CD226: variants seen among roughly 807,000 people sequenced by gnomAD.
CD226 encodes CD226 antigen.
In CD226, 24 loss-of-function variants were observed where a neutral mutation model predicts 34.9. The observed-to-expected ratio is 0.69, with a 90% CI of 0.50 to 0.97. The LOEUF (loss-of-function observed/expected upper bound fraction) is 0.97. CD226 is among the 50% of genes least tolerant of loss of function. CD226 has a pLI of 0.00. For synonymous variants in CD226, 148 were observed against 147.4 expected (o/e 1.00, Z -0.03); for missense variants, 397 against 412.7 (o/e 0.96, Z 0.33).
intron 2 of CD226, among the ~76,000 whole-genome samples, chr18:69,918,539 C>T (rs1307035651): frequency 1.3e-5 from 2 of 152,156 alleles, no homozygotes; most frequent in Non-Finnish European, 1.5e-5. Flanking sequence ...GCTTTGGTGA[C>T]AGAGTGGGAC....
rs1982637852 is a variant in CD226, at chr18:69,857,177, A to G, written c.*7137T>C. The G allele has an allele frequency of 6.6e-6, 1 of 152,276 alleles. No individual in the cohort carries two copies. The highest frequency in any genetic ancestry group is 1.9e-4 in the East Asian group (1 of 5,206). The allele number at this position is 152,276 out of a possible 1,614,324, so 9.4% of individuals were successfully genotyped here. A position where few individuals can be genotyped will look rare whatever the true frequency, so the allele number is the denominator to read the frequency against. ...GAGCGAGACTCCGTCTCAAAAAAAG[A>G]TAGCTATTCATTAGACATTGAAAGA... On this transcript the variant is annotated 3_prime_UTR_variant, in exon 6 of 6. Coordinates refer to ENST00000582621, the MANE Select transcript of CD226 (RefSeq NM_001303618.2).
chr18:69,872,920 C>G (rs995320070), intron 4 of CD226, among the ~76,000 whole-genome samples: 2 of 152,138 alleles, frequency 1.3e-5, no homozygotes, highest in African/African-American at 4.8e-5. Context: ...GCAGAGGCAT[C>G]AGGCAGAATA....
intron 2 of CD226, among the ~76,000 whole-genome samples, chr18:69,923,838 C>A (rs2055486195): frequency 6.6e-6 from 1 of 151,776 alleles, no homozygotes; most frequent in East Asian, 1.9e-4. Context: ...CCTGTAGTCC[C>A]AGCTACTTGG....
chr18:69,871,859 T>C (rs1983542564), intron 4 of CD226, among the ~76,000 whole-genome samples: 1 of 152,108 alleles, frequency 6.6e-6, no homozygotes, highest in Non-Finnish European at 1.5e-5. Flanking sequence ...CCAAAGATAT[T>C]GAACAGGAAG....
intron 2 of CD226, among the ~76,000 whole-genome samples, chr18:69,909,293 A>G (rs549045299): frequency 3.7e-4 from 57 of 152,296 alleles, no homozygotes; most frequent in African/African-American, 1.4e-3. Context: ...AACTCAGAGC[A>G]ATATTTTCCA....
chr18:69,890,056 A>G (rs898839268), intron 3 of CD226, among the ~76,000 whole-genome samples: 1 of 152,238 alleles, frequency 6.6e-6, no homozygotes, highest in African/African-American at 2.4e-5. Flanking sequence ...TTGAAAGTTC[A>G]GTTTCTTTGA....
chr18:69,898,325 T>C lies in CD226; in HGVS notation c.383-2280A>G, dbSNP rs561796491. ...GCACAACTGTTTTGTGTTTTTCTTC[T>C]TCTTCTCTCTGGATGCCGCCCCGTC... On this transcript the variant is annotated intron_variant, in intron 2 of 5. Transcript: ENST00000582621. Among the ~76,000 whole-genome samples the C allele has an allele frequency of 2.0e-5, 3 of 152,326 alleles. No homozygotes were observed. The East Asian group carries it at 5.8e-4, about 29-fold the overall frequency.
At position 69,858,348 on chromosome 18, in the gene CD226, C is replaced by T. The variant is rs941898631; in HGVS notation, c.*5966G>A. ...ACATTTGTCAGTTGAAGTTCTTCAA[C>T]GAGCCTGGAGGGAATGTCGCAGTGT... On this transcript the variant is annotated 3_prime_UTR_variant, in exon 6 of 6. Coordinates refer to ENST00000582621, the MANE Select transcript of CD226 (RefSeq NM_001303618.2). 6.6e-6 allele frequency: 1 copy of T among 152,104 alleles called. No homozygotes were observed. The highest frequency in any genetic ancestry group is 2.4e-5 in the African/African-American group (1 of 41,406). 9.4% of individuals were successfully genotyped at this position (152,104 alleles called of 1,614,324 possible). A position where few individuals can be genotyped will look rare whatever the true frequency, so the allele number is the denominator to read the frequency against.
chr18:69,946,975 C>A lies in CD226; in HGVS notation c.141G>T (p.Gln47His). The stretch of plus-strand genomic sequence containing the variant: ...GGGTCCCGATCTTGAACCACTCCAC[C>A]TGTGTTAAGATGCCCATTGATGGAT... ...CVYPSMGILTQVEWFKIGTQQ... is the reference protein window; with the variant it reads ...CVYPSMGILTHVEWFKIGTQQ... Residue 47 changes from glutamine to histidine, a missense_variant, in exon 2 of 6, where the codon CAG (glutamine) becomes CAT (histidine). Transcript: ENST00000582621. The A allele has an allele frequency of 6.2e-7, 1 of 1,614,154 alleles. No homozygotes were observed. The highest frequency in any genetic ancestry group is 8.5e-7 in the Non-Finnish European group (1 of 1,180,014).
rs1481148359 is a variant in CD226 at position 69,946,986 on chromosome 18, T to C, written c.130A>G (p.Ile44Val). Reference sequence around the variant, plus strand: ...TTGAACCACTCCACCTGTGTTAAGATGCCCATTGATGGATACACACATTCT... The same window carrying C: ...TTGAACCACTCCACCTGTGTTAAGACGCCCATTGATGGATACACACATTCT... The part of the protein sequence containing the change: ...SLECVYPSMG[I>V]LTQVEWFKIG... The change falls in exon 2 of 6, where the codon ATC becomes GTC. Residue 44 changes from isoleucine to valine, a missense_variant. Physicochemically the swap from Ile to Val is conservative, Grantham distance 29 (BLOSUM62 3). Coordinates refer to ENST00000582621, the MANE Select transcript of CD226 (RefSeq NM_001303618.2). 9 of 1,614,206 alleles carry C rather than the reference T, an allele frequency of 5.6e-6. No homozygotes were observed. The highest frequency in any genetic ancestry group is 7.6e-6 in the Non-Finnish European group (9 of 1,180,016).
rs62090831 is a variant in CD226 at position 69,946,725 on chromosome 18, T to A, written c.382+9A>T. 6.4e-7 allele frequency: 1 copy of A among 1,553,428 alleles called. No individual in the cohort carries two copies. ...AAGGGATTTAAAAAAAAAAAAAACT[T>A]GCCCTTACCTGACTGAACCACCTGT... On this transcript the variant is annotated intron_variant, in intron 2 of 5. Transcript: ENST00000582621.
chr18:69,873,369 A>G, intron 3 of CD226, 123 bp from the exon 4 acceptor site: 1 of 582,538 alleles, frequency 1.7e-6, no homozygotes, highest in Non-Finnish European at 3.1e-6. Flanking sequence ...ATCCAACAAA[A>G]AAAATAGAAT....
In CD226 at chr18:69,873,674, A is replaced by T. The variant is rs922127995; in HGVS notation, c.728-428T>A. Among the ~76,000 whole-genome samples, 4 of 152,278 alleles carry T rather than the reference A, an allele frequency of 2.6e-5. No homozygotes were observed. In the South Asian group the frequency reaches 8.3e-4, roughly 32 times the overall value. ...CACTTGAGGCCAGGAGTTCAAGACC[A>T]GCATGGGCAACATGGTGAAACCCCG... is the stretch of plus-strand genomic sequence containing the variant. On this transcript the variant is annotated intron_variant, in intron 3 of 5. Transcript: ENST00000582621.
chr18:69,937,828 CT>C (rs2055673669), intron 2 of CD226, among the ~76,000 whole-genome samples: 2 of 152,300 alleles, frequency 1.3e-5, no homozygotes, highest in South Asian at 4.1e-4. Flanking sequence ...CCAGCATGAT[CT>C]TTAGAATCCC....
At chr18:69,914,394 T>C (rs897862164) in intron 2 of CD226, among the ~76,000 whole-genome samples, 4 of 152,218 alleles carry the variant, frequency 2.6e-5, no homozygotes, top group Admixed American at 6.5e-5. Context: ...AATTATTCCA[T>C]TGAGTTCATG....
At chr18:69,876,284 A>C (rs1983858139) in intron 3 of CD226, among the ~76,000 whole-genome samples, 1 of 152,230 alleles carries the variant, frequency 6.6e-6, no homozygotes, top group South Asian at 2.1e-4. Flanking sequence ...TTTTCTTTAG[A>C]AATAGAATAC....
intron 4 of CD226, among the ~76,000 whole-genome samples, chr18:69,868,524 G>C (rs917182003): frequency 6.6e-6 from 1 of 151,558 alleles, no homozygotes; most frequent in Non-Finnish European, 1.5e-5. Flanking sequence ...TTATTATTTT[G>C]ACCAATTATT....
In CD226 at chr18:69,935,623, G is replaced by A. The variant is rs188427046; in HGVS notation, c.382+11111C>T. ...ATTCCTCATGTTGTGGTTGGCAGCC[G>A]CCTTCAGTGCTGGGTAAACAGCTGT... On this transcript the variant is annotated intron_variant, in intron 2 of 5. Coordinates refer to ENST00000582621, the MANE Select transcript of CD226 (RefSeq NM_001303618.2). Among the ~76,000 whole-genome samples, 436 of 152,296 alleles carry A rather than the reference G, an allele frequency of 2.9e-3. 11 individuals are homozygous for A. The highest frequency in any genetic ancestry group is 0.027 in the Admixed American group (406 of 15,296).
intron 2 of CD226, among the ~76,000 whole-genome samples, chr18:69,907,875 T>C (rs959054338): frequency 6.6e-6 from 1 of 152,174 alleles, no homozygotes; most frequent in Non-Finnish European, 1.5e-5. Context: ...CAAAAAAAGT[T>C]AAGTATTTGA....
Sources: gnomAD v4.1 joint callset for allele counts (sites outside exome capture counted in the v4.1 genomes callset) on GRCh38, gnomAD v4.1.1 for gene constraint, MANE v1.5 for transcripts, NCBI Gene and HGNC (gene_info 2026-07-23, HGNC 2026-07-21) for gene names.